Variants in SEPTIN9 observed in about 807,000 individuals in gnomAD.
SEPTIN9 encodes septin-9.
SEPTIN9 carries 13 observed loss-of-function variants against 56.6 expected under a neutral mutation model. The observed-to-expected ratio is 0.23, with a 90% CI of 0.15 to 0.37. SEPTIN9 has a LOEUF of 0.37. SEPTIN9 is among the 10% of genes least tolerant of loss of function. The pLI, the probability that SEPTIN9 is intolerant of heterozygous loss-of-function variation, is 1.00. For synonymous variants in SEPTIN9, 332 were observed against 334.1 expected (o/e 0.99, Z 0.07); for missense variants, 650 against 823.1 (o/e 0.79, Z 2.57).
At chr17:77,341,075 T>C (rs1235778984) in intron 2 of SEPTIN9, among the ~76,000 whole-genome samples, 1 of 152,250 alleles carries the variant, frequency 6.6e-6, no homozygotes, top group Non-Finnish European at 1.5e-5. Context: ...TGCTTTCTTC[T>C]TCTTCATGTG....
At chr17:77,370,187 G>C (rs753404) in intron 2 of SEPTIN9, among the ~76,000 whole-genome samples, 43,120 of 152,202 alleles carry the variant, frequency 0.28, 7,026 homozygotes, top group Admixed American at 0.43. Flanking sequence ...CAAGGGGAAT[G>C]TGTCCTCTCA....
chr17:77,380,600 G>A (rs1235129978), intron 2 of SEPTIN9, among the ~76,000 whole-genome samples: 1 of 152,124 alleles, frequency 6.6e-6, no homozygotes. Flanking sequence ...CCTGTGCCTT[G>A]GATGTGGGCG....
At chr17:77,392,289 C>G (rs2035567012) in intron 2 of SEPTIN9, among the ~76,000 whole-genome samples, 1 of 152,156 alleles carries the variant, frequency 6.6e-6, no homozygotes, top group Non-Finnish European at 1.5e-5. Flanking sequence ...GAAGCCTCCT[C>G]CTAACACTTG....
At chr17:77,355,638 GC>G (rs1568010739) in intron 2 of SEPTIN9, among the ~76,000 whole-genome samples, 1 of 152,114 alleles carries the variant, frequency 6.6e-6, no homozygotes. Flanking sequence ...CATCTGAAAG[GC>G]CTTCCATGGT....
chr17:77,448,195 G>A (rs937086262), intron 3 of SEPTIN9, among the ~76,000 whole-genome samples: 2 of 152,160 alleles, frequency 1.3e-5, no homozygotes, highest in African/African-American at 2.4e-5. Context: ...ATCCGAGGAT[G>A]GGCGTGGTGG....
chr17:77,468,904 C>T (rs536442036), intron 3 of SEPTIN9, among the ~76,000 whole-genome samples: 7 of 152,288 alleles, frequency 4.6e-5, no homozygotes, highest in South Asian at 4.1e-4. Flanking sequence ...GGCCCAGGCC[C>T]GGCCCCTGGA....
At chr17:77,439,658 TC>T (rs1430807225) in intron 3 of SEPTIN9, among the ~76,000 whole-genome samples, 2 of 152,182 alleles carry the variant, frequency 1.3e-5, no homozygotes, top group Non-Finnish European at 2.9e-5. Context: ...GATCTTTCTG[TC>T]CTGGAGGCTG....
intron 3 of SEPTIN9, among the ~76,000 whole-genome samples, chr17:77,417,769 C>G (rs1030824654): frequency 2.0e-5 from 3 of 152,230 alleles, no homozygotes; most frequent in Non-Finnish European, 4.4e-5. Flanking sequence ...GGTCCACCGT[C>G]CAGCCCCATG....
At chr17:77,364,504 G>A (rs1335292391) in intron 2 of SEPTIN9, among the ~76,000 whole-genome samples, 1 of 152,240 alleles carries the variant, frequency 6.6e-6, no homozygotes, top group Non-Finnish European at 1.5e-5. Flanking sequence ...TTTGGAGTGT[G>A]CTGGGCAGAG....
chr17:77,416,875 T>A (rs2036526716), intron 3 of SEPTIN9, among the ~76,000 whole-genome samples: 1 of 152,170 alleles, frequency 6.6e-6, no homozygotes, highest in Non-Finnish European at 1.5e-5. Flanking sequence ...TCCCATGGGC[T>A]CCATTCCATG....
intron 3 of SEPTIN9, among the ~76,000 whole-genome samples, chr17:77,407,970 C>G (rs557445186): frequency 3.3e-5 from 5 of 152,110 alleles, no homozygotes; most frequent in South Asian, 2.1e-4. Flanking sequence ...GGCTCAGAGC[C>G]CCCCCCACCA....
chr17:77,331,792 C>CG (rs1039502888), intron 2 of SEPTIN9, among the ~76,000 whole-genome samples: 9 of 152,218 alleles, frequency 5.9e-5, no homozygotes, highest in African/African-American at 2.2e-4. Flanking sequence ...CGCACAGGCA[C>CG]GGGGGGCCCG....
intron 3 of SEPTIN9, among the ~76,000 whole-genome samples, chr17:77,422,833 A>C (rs1366631950): frequency 1.3e-5 from 2 of 152,178 alleles, no homozygotes; most frequent in East Asian, 3.9e-4. Flanking sequence ...CCAGAACCAG[A>C]GTCTCTGGGG....
Position 77,493,330 on chromosome 17 carries a change from G to C in SEPTIN9, c.1573+254G>C, listed in dbSNP as rs2040116248. ...TTCAGGGAGACAGGAGCTGGGATGG[G>C]GGCCGCCAAGTTCTGGATCCTGGTG... is the stretch of plus-strand genomic sequence containing the variant. On this transcript the variant is annotated intron_variant, in intron 10 of 11. Coordinates refer to ENST00000427177, the MANE Select transcript of SEPTIN9 (RefSeq NM_001113491.2). 5.8e-5 allele frequency: 30 copies of C among 520,446 alleles called. No homozygotes were observed. The South Asian group carries it at 6.3e-4, about 11-fold the overall frequency. The allele number at this position is 520,446 out of a possible 1,614,324, so 32.2% of individuals were successfully genotyped here.
At position 77,376,958 on chromosome 17, in the gene SEPTIN9, C is replaced by G. The variant is rs549711077; in HGVS notation, c.77-25101C>G. The G allele has an allele frequency of 2.6e-5, 4 of 152,442 alleles. No homozygotes were observed. The East Asian group carries it at 7.7e-4, about 29-fold the overall frequency. The allele number at this position is 152,442 out of a possible 1,614,324, so 9.4% of individuals were successfully genotyped here. A position where few individuals can be genotyped will look rare whatever the true frequency, so the allele number is the denominator to read the frequency against. On this transcript the variant is annotated intron_variant, in intron 2 of 11. Coordinates refer to ENST00000427177, the MANE Select transcript of SEPTIN9 (RefSeq NM_001113491.2). ...GCACCATGGCTTTATGTTCCATCAC[C>G]GATGAGTTGCACAGGGATTCAGTCC...
At chr17:77,466,723 C>T (rs1387347321) in intron 3 of SEPTIN9, among the ~76,000 whole-genome samples, 1 of 152,216 alleles carries the variant, frequency 6.6e-6, no homozygotes, top group African/African-American at 2.4e-5. Flanking sequence ...TTCATAAGAA[C>T]ACGCTATTAC....
chr17:77,386,906 G>A lies in SEPTIN9; in HGVS notation c.77-15153G>A, dbSNP rs542320892. On this transcript the variant is annotated intron_variant, in intron 2 of 11. Transcript: ENST00000427177. ...TAACTTCAGCCTTCAGTGCAGGGCA[G>A]ATGAGCACTCAGAGGCCCAGAGGAC... is the stretch of plus-strand genomic sequence containing the variant. Among the ~76,000 whole-genome samples, 22 of 152,382 alleles carry A rather than the reference G, an allele frequency of 1.4e-4. No individual in the cohort carries two copies. In the South Asian group the frequency reaches 1.4e-3, roughly 10 times the overall value.
rs1370559590 is a variant in SEPTIN9 at position 77,326,412 on chromosome 17, C to G, written c.76+19215C>G. 6.6e-6 allele frequency among the ~76,000 whole-genome samples: 1 copy of G among 152,150 alleles called. No homozygotes were observed. Among genetic ancestry groups the G allele is most frequent in the Non-Finnish European group, 1.5e-5 (1 of 68,046 alleles). ...GAACCTGCGGTTCGTAGGACCAGGT[C>G]AGGAGGGCTGCCTCGGGGGGACACC... On this transcript the variant is annotated intron_variant, in intron 2 of 11. Transcript: ENST00000427177. The surrounding 1 kb of genome is among the most constrained non-coding windows in gnomAD (Gnocchi z 5.1).
chr17:77,441,513 G>A (rs2037546020), intron 3 of SEPTIN9, among the ~76,000 whole-genome samples: 1 of 152,222 alleles, frequency 6.6e-6, no homozygotes, highest in African/African-American at 2.4e-5. Flanking sequence ...AACCCCATAA[G>A]GGAGGGCAGG....
Sources: allele counts gnomAD v4.1 joint callset (sites outside exome capture counted in the v4.1 genomes callset), GRCh38; gene constraint gnomAD v4.1.1; non-coding constraint Gnocchi (gnomAD v3.1); transcripts MANE v1.5; gene names NCBI Gene and HGNC (gene_info 2026-07-23, HGNC 2026-07-21).